Variants in EYS observed in about 807,000 individuals in gnomAD.
EYS encodes the protein protein eyes shut homolog.
EYS carries 250 observed loss-of-function variants against 282.1 expected under a neutral mutation model. The ratio of observed to expected loss-of-function variants is 0.89; its 90% CI spans 0.80 to 0.98. EYS has a LOEUF of 0.98. Among genes scored for constraint, EYS ranks in the 50% least tolerant of loss-of-function variants. The pLI is 0.00. For missense variants in EYS, 4,016 were observed against 3,709.0 expected (o/e 1.08, Z -2.15); for synonymous variants, 1,355 against 1,282.9 (o/e 1.06, Z -1.20).
chr6:64,671,129 C>CT (rs958045620), intron 22 of EYS, among the ~76,000 whole-genome samples: 7 of 152,056 alleles, frequency 4.6e-5, no homozygotes, highest in African/African-American at 1.4e-4. Flanking sequence ...AATGTATCTA[C>CT]TTTTTTACCT....
At chr6:65,643,036 C>A (rs751584008) in intron 1 of EYS, among the ~76,000 whole-genome samples, 7 of 152,180 alleles carry the variant, frequency 4.6e-5, no homozygotes, top group Non-Finnish European at 1.0e-4. Flanking sequence ...AATTATCTGA[C>A]CCTTTGAAGG....
At chr6:64,984,832 C>G (rs774721377) in intron 14 of EYS, among the ~76,000 whole-genome samples, 16 of 151,390 alleles carry the variant, frequency 1.1e-4, no homozygotes, top group Non-Finnish European at 2.2e-4. Flanking sequence ...GTAGCAAAAT[C>G]AGTTTCTTGT....
At chr6:63,739,341 T>C (rs1193723808) in intron 41 of EYS, among the ~76,000 whole-genome samples, 1 of 152,114 alleles carries the variant, frequency 6.6e-6, no homozygotes, top group Non-Finnish European at 1.5e-5. Flanking sequence ...GGCAGCTGAT[T>C]TCACAGGGAG....
At chr6:65,204,506 C>T (rs1488904449) in intron 12 of EYS, among the ~76,000 whole-genome samples, 2 of 151,396 alleles carry the variant, frequency 1.3e-5, no homozygotes, top group Admixed American at 6.6e-5. Flanking sequence ...AAGGGAATTT[C>T]TTCCAGATTG....
At chr6:65,451,707 T>C (rs1764403991) in intron 5 of EYS, among the ~76,000 whole-genome samples, 1 of 151,864 alleles carries the variant, frequency 6.6e-6, no homozygotes, top group Non-Finnish European at 1.5e-5. Context: ...CACACTGTTT[T>C]TTTAATTGCT....
At position 63,813,696 on chromosome 6, in the gene EYS, T is replaced by C. The variant is rs555910978; in HGVS notation, c.7229-7324A>G. Among the ~76,000 whole-genome samples the C allele has an allele frequency of 1.4e-4, 22 of 152,320 alleles. 2 individuals are homozygous for C. The South Asian group carries it at 4.6e-3, about 32-fold the overall frequency. On this transcript the variant is annotated intron_variant, in intron 36 of 42. Coordinates refer to ENST00000503581, the MANE Select transcript of EYS (RefSeq NM_001142800.2). ...GGATTCTGTTTTCTATGTAGGCTGCTGTGTATAACCTCAGCAGAGTGGACA... is the reference window on the plus strand; with the variant it reads ...GGATTCTGTTTTCTATGTAGGCTGCCGTGTATAACCTCAGCAGAGTGGACA...
intron 1 of EYS, among the ~76,000 whole-genome samples, chr6:65,664,492 A>G (rs1768133633): frequency 6.6e-6 from 1 of 152,186 alleles, no homozygotes; most frequent in Non-Finnish European, 1.5e-5. Flanking sequence ...AAAGTTGAAG[A>G]GAGGAGTTAC....
At chr6:64,295,877 A>G (rs1310822605) in intron 30 of EYS, among the ~76,000 whole-genome samples, 1 of 152,170 alleles carries the variant, frequency 6.6e-6, no homozygotes, top group African/African-American at 2.4e-5. Flanking sequence ...TACAATACTT[A>G]AAAACTTTTC....
At chr6:64,876,072 T>C (rs537853612) in intron 19 of EYS, among the ~76,000 whole-genome samples, 2 of 152,154 alleles carry the variant, frequency 1.3e-5, no homozygotes, top group South Asian at 4.1e-4. Context: ...ATATAAAAAG[T>C]CTAAATTTTG....
intron 5 of EYS, among the ~76,000 whole-genome samples, chr6:65,443,080 T>C (rs912444614): frequency 4.0e-5 from 6 of 151,850 alleles, no homozygotes; most frequent in African/African-American, 1.4e-4. Flanking sequence ...TGTATGTGTC[T>C]ATACATACAT....
rs558691539 is a variant in EYS, at chr6:63,927,613, A to G, written c.7055+56770T>C. ...AGATATCATTTCAGTTTAATATTCT[A>G]TATTCCTCCTGTGGCCAGAAATACT... On this transcript the variant is annotated intron_variant, in intron 35 of 42. Coordinates refer to ENST00000503581, the MANE Select transcript of EYS (RefSeq NM_001142800.2). Among the ~76,000 whole-genome samples, 8 of 152,250 alleles carry G rather than the reference A, an allele frequency of 5.3e-5. No homozygotes were observed. In the South Asian group the frequency reaches 1.7e-3, roughly 32 times the overall value.
At chr6:64,154,294 G>A (rs899153503) in intron 31 of EYS, among the ~76,000 whole-genome samples, 94 of 152,060 alleles carry the variant, frequency 6.2e-4, no homozygotes, top group African/African-American at 2.2e-3. Context: ...TACAAAATTA[G>A]CTGGGCGTGG....
chr6:63,727,737 A>AAAATATATATATATATATATAT (rs1554164607), intron 41 of EYS, among the ~76,000 whole-genome samples: 7 of 36,714 alleles, frequency 1.9e-4, no homozygotes, highest in African/African-American at 2.7e-4. Context: ...AAAAAAAAAA[A>AAAATATATATATATATATATAT]ATATATATAT....
At chr6:64,648,153 C>T (rs10455551) in intron 22 of EYS, among the ~76,000 whole-genome samples, 30,202 of 152,072 alleles carry the variant, frequency 0.2, 3,467 homozygotes, top group East Asian at 0.35. Flanking sequence ...ATGGCTGGCA[C>T]TGATGTTATC....
chr6:64,646,734 G>A (rs1256659583), intron 22 of EYS, among the ~76,000 whole-genome samples: 6 of 152,020 alleles, frequency 3.9e-5, no homozygotes, highest in African/African-American at 1.4e-4. Flanking sequence ...GAACCCGGGA[G>A]GTGGAGCTTG....
chr6:64,905,554 G>T lies in EYS; in HGVS notation c.2642-3054C>A, dbSNP rs529108215. Among the ~76,000 whole-genome samples the T allele has an allele frequency of 2.6e-5, 4 of 152,230 alleles. No homozygotes were observed. In the South Asian group the frequency reaches 8.3e-4, roughly 32 times the overall value. Reference sequence around the variant, plus strand: ...AAATACACACGAATGGTCAGTAAATGATATTTTTATACTTCTGCACTCGTT... The same window carrying T: ...AAATACACACGAATGGTCAGTAAATTATATTTTTATACTTCTGCACTCGTT... On this transcript the variant is annotated intron_variant, in intron 16 of 42. Coordinates refer to ENST00000503581, the MANE Select transcript of EYS (RefSeq NM_001142800.2).
chr6:63,880,078 A>G (rs1402213325), intron 35 of EYS, among the ~76,000 whole-genome samples: 1 of 152,220 alleles, frequency 6.6e-6, no homozygotes, highest in Non-Finnish European at 1.5e-5. Context: ...GGGCATGAGC[A>G]TGGTGACGGT....
intron 1 of EYS, among the ~76,000 whole-genome samples, chr6:65,695,187 G>A (rs978839185): frequency 5.3e-5 from 8 of 152,014 alleles, no homozygotes. Context: ...GCACCACTGA[G>A]AAATTTTCAA....
rs1418358711 is a variant in EYS at position 63,735,326 on chromosome 6, T to C, written c.8072-8646A>G. Among the ~76,000 whole-genome samples, 3 of 152,256 alleles carry C rather than the reference T, an allele frequency of 2.0e-5. No individual in the cohort carries two copies. The East Asian group carries it at 5.8e-4, about 29-fold the overall frequency. On this transcript the variant is annotated intron_variant, in intron 41 of 42. Transcript: ENST00000503581. Reference sequence around the variant, plus strand: ...GTAATAATGGAAATATAATTTTTTATAACTCACTTTGAAACAATTTTGAAC... The same window carrying C: ...GTAATAATGGAAATATAATTTTTTACAACTCACTTTGAAACAATTTTGAAC...
Sources: allele counts gnomAD v4.1 joint callset (sites outside exome capture counted in the v4.1 genomes callset), GRCh38; gene constraint gnomAD v4.1.1; transcripts MANE v1.5; gene names NCBI Gene and HGNC (gene_info 2026-07-23, HGNC 2026-07-21).